PPP1R37: variants seen among roughly 807,000 people sequenced by gnomAD.
PPP1R37 encodes the protein protein phosphatase 1 regulatory subunit 37.
In PPP1R37, 21 loss-of-function variants were observed where a neutral mutation model predicts 61.0. The observed-to-expected ratio is 0.34, with a 90% CI of 0.24 to 0.50. The LOEUF is 0.50. Ranked by LOEUF, PPP1R37 falls within the 20% of genes least tolerant of loss-of-function variation. The pLI, the probability that PPP1R37 is intolerant of heterozygous loss-of-function variation, is 0.98. For missense variants in PPP1R37, 910 were observed against 952.7 expected (o/e 0.96, Z 0.59); for synonymous variants, 443 against 433.5 (o/e 1.02, Z -0.27).
chr19:45,114,770 AC>A (rs68097043), intron 1 of PPP1R37, among the ~76,000 whole-genome samples: 95,365 of 144,682 alleles, frequency 0.66, 31,204 homozygotes, highest in African/African-American at 0.75. Context: ...AACAAGTGAG[AC>A]CCCCCCCCCC....
rs572001892 is a variant in PPP1R37, at chr19:45,121,836, G to C, written c.203-16678G>C. Among the ~76,000 whole-genome samples, 168 of 152,350 alleles carry C rather than the reference G, an allele frequency of 1.1e-3. No individual in the cohort carries two copies. The highest frequency in any genetic ancestry group is 1.3e-3 in the Non-Finnish European group (89 of 68,030). On this transcript the variant is annotated intron_variant, in intron 1 of 12. Transcript: ENST00000221462. The surrounding 1 kb of genome is among the most constrained non-coding windows in gnomAD (Gnocchi z 4.2). ...AAAGATACTCCCCTGAGAAATACCTGCCCTTGGGAAGCCCACTGCATTGGG... is the reference window on the plus strand; with the variant it reads ...AAAGATACTCCCCTGAGAAATACCTCCCCTTGGGAAGCCCACTGCATTGGG...
chr19:45,143,651 G>T lies in PPP1R37; in HGVS notation c.987+18G>T. On this transcript the variant is annotated intron_variant, in intron 8 of 12. Coordinates refer to ENST00000221462, the MANE Select transcript of PPP1R37 (RefSeq NM_019121.2). ...TGACACTGGTGAGTCAGGCTGGCAGGGAAGGGAGGCACCTCGGTCCCCGCT... is the reference window on the plus strand; with the variant it reads ...TGACACTGGTGAGTCAGGCTGGCAGTGAAGGGAGGCACCTCGGTCCCCGCT... The T allele has an allele frequency of 6.8e-7, 1 of 1,468,816 alleles. No individual in the cohort carries two copies. The highest frequency in any genetic ancestry group is 1.2e-5 in the South Asian group (1 of 82,700). 91.0% of individuals were successfully genotyped at this position (1,468,816 alleles called of 1,614,324 possible). A position where few individuals can be genotyped will look rare whatever the true frequency, so the allele number is the denominator to read the frequency against.
intron 1 of PPP1R37, among the ~76,000 whole-genome samples, chr19:45,134,835 C>G (rs767079211): frequency 5.3e-5 from 8 of 152,186 alleles, no homozygotes; most frequent in Non-Finnish European, 1.2e-4. Context: ...AAGGCCGGAC[C>G]TGGTTCCAGA....
intron 1 of PPP1R37, among the ~76,000 whole-genome samples, chr19:45,112,675 C>G (rs1465146659): frequency 6.6e-6 from 1 of 152,190 alleles, no homozygotes; most frequent in Non-Finnish European, 1.5e-5. Flanking sequence ...TTTCCTTTGC[C>G]CCAGCTCTAC....
At chr19:45,119,621 T>G (rs1041097110) in intron 1 of PPP1R37, among the ~76,000 whole-genome samples, 11 of 152,196 alleles carry the variant, frequency 7.2e-5, no homozygotes, top group African/African-American at 1.4e-4. Flanking sequence ...AGCTCTAAGA[T>G]AGCTATCATT....
At chr19:45,117,226 C>T (rs1038122121) in intron 1 of PPP1R37, among the ~76,000 whole-genome samples, 2 of 151,936 alleles carry the variant, frequency 1.3e-5, no homozygotes, top group Admixed American at 6.6e-5. Context: ...AGGTGACTTT[C>T]GAGTTGAGAT....
chr19:45,137,626 A>C (rs1001256200), intron 1 of PPP1R37, among the ~76,000 whole-genome samples: 1 of 152,188 alleles, frequency 6.6e-6, no homozygotes, highest in Admixed American at 6.5e-5. Context: ...CCGGGCCCTG[A>C]ATAGCGTACG....
At chr19:45,125,205 C>G (rs1968389199) in intron 1 of PPP1R37, among the ~76,000 whole-genome samples, 1 of 152,130 alleles carries the variant, frequency 6.6e-6, no homozygotes, top group Admixed American at 6.5e-5. Flanking sequence ...TGGCTCACGT[C>G]TGTAATCCCA....
chr19:45,096,506 A>G (rs565739052), intron 1 of PPP1R37, among the ~76,000 whole-genome samples: 200 of 152,336 alleles, frequency 1.3e-3, no homozygotes, highest in Admixed American at 4.4e-3. Context: ...AATTTCTGCC[A>G]CATAAATAGC....
chr19:45,132,625 G>A lies in PPP1R37; in HGVS notation c.203-5889G>A, dbSNP rs573377435. 1.4e-4 allele frequency among the ~76,000 whole-genome samples: 21 copies of A among 152,148 alleles called. No individual in the cohort carries two copies. In the East Asian group the frequency reaches 4.1e-3, roughly 29 times the overall value. On this transcript the variant is annotated intron_variant, in intron 1 of 12. Coordinates refer to ENST00000221462, the MANE Select transcript of PPP1R37 (RefSeq NM_019121.2). ...TAATTTTTAAATTTTTGGCAGAGATGGTATCACCATGTTGCCTAGGCTGGT... is the reference window on the plus strand; with the variant it reads ...TAATTTTTAAATTTTTGGCAGAGATAGTATCACCATGTTGCCTAGGCTGGT...
intron 1 of PPP1R37, among the ~76,000 whole-genome samples, chr19:45,132,149 C>T (rs1346964605): frequency 2.6e-5 from 4 of 152,192 alleles, no homozygotes; most frequent in Non-Finnish European, 5.9e-5. Context: ...CTTAATGGGC[C>T]TTCAGAGCCT....
intron 1 of PPP1R37, among the ~76,000 whole-genome samples, chr19:45,116,563 A>T (rs915267394): frequency 1.3e-5 from 2 of 152,182 alleles, no homozygotes; most frequent in African/African-American, 4.8e-5. Flanking sequence ...AGAGGGAAGG[A>T]CCGGCCATCC....
intron 1 of PPP1R37, among the ~76,000 whole-genome samples, chr19:45,113,730 C>T (rs967259610): frequency 2.0e-5 from 3 of 152,250 alleles, no homozygotes; most frequent in African/African-American, 7.2e-5. Flanking sequence ...CTGCGTTCCC[C>T]TCCACTCCGT....
chr19:45,135,128 A>G (rs556488819), intron 1 of PPP1R37, among the ~76,000 whole-genome samples: 1 of 152,254 alleles, frequency 6.6e-6, no homozygotes, highest in South Asian at 2.1e-4. Flanking sequence ...TGTGCCTGTA[A>G]TTCCAGCAAC....
At chr19:45,142,256 G>T (rs1568450655) in intron 6 of PPP1R37, 45 bp downstream of exon 6, 3 of 1,533,736 alleles carry the variant, frequency 2.0e-6, no homozygotes, top group Admixed American at 3.9e-5. Flanking sequence ...GCAGCCTGTT[G>T]GGGGGCAGGG....
At chr19:45,133,501 C>G (rs1312126778) in intron 1 of PPP1R37, among the ~76,000 whole-genome samples, 7 of 152,238 alleles carry the variant, frequency 4.6e-5, no homozygotes, top group Non-Finnish European at 8.8e-5. Flanking sequence ...AGATCCCAGC[C>G]CCATCCCTCA....
chr19:45,123,251 G>A (rs1372582876), intron 1 of PPP1R37, among the ~76,000 whole-genome samples: 1 of 152,172 alleles, frequency 6.6e-6, no homozygotes, highest in African/African-American at 2.4e-5. Context: ...TCCCAGGGGT[G>A]AGTGCACCCC....
In PPP1R37 at chr19:45,146,431, C is replaced by T; in HGVS notation, c.2035C>T (p.Leu679Phe). The change falls in exon 12 of 13, where the codon CTT (leucine) becomes TTT (phenylalanine). Residue 679 changes from leucine (L) to phenylalanine (F), a missense_variant. By Grantham distance (22) the Leu-to-Phe change is conservative (BLOSUM62 0). Coordinates refer to ENST00000221462, the MANE Select transcript of PPP1R37 (RefSeq NM_019121.2). Reference protein sequence around the residue: ...SKNEKELEELLLEASQESGQE... With the variant: ...SKNEKELEELFLEASQESGQE... ...GAACGAGAAGGAGCTCGAGGAGCTG[C>T]TTCTGGAAGCCAGTCAGGAATCCGG... The T allele has an allele frequency of 6.5e-7, 1 of 1,535,886 alleles. No homozygotes were observed. Among genetic ancestry groups the T allele is most frequent in the Non-Finnish European group, 8.7e-7 (1 of 1,146,792 alleles).
At chr19:45,114,663 C>T (rs933993994) in intron 1 of PPP1R37, among the ~76,000 whole-genome samples, 11 of 152,106 alleles carry the variant, frequency 7.2e-5, no homozygotes, top group Non-Finnish European at 1.5e-4. Flanking sequence ...GGTGCATTCA[C>T]AGGCTGGGCA....
Sources: allele counts gnomAD v4.1 joint callset (sites outside exome capture counted in the v4.1 genomes callset), GRCh38; gene constraint gnomAD v4.1.1; non-coding constraint Gnocchi (gnomAD v3.1); transcripts MANE v1.5; gene names NCBI Gene and HGNC (gene_info 2026-07-23, HGNC 2026-07-21).